DLEC1: variants seen among roughly 807,000 people sequenced by gnomAD.
The protein encoded by DLEC1 is DLEC1 cilia and flagella associated protein.
Under a neutral mutation model 198.1 loss-of-function variants are expected in DLEC1, and 146 were observed. That is an observed-to-expected ratio of 0.74 (90% CI 0.64 to 0.85). The LOEUF (loss-of-function observed/expected upper bound fraction) is 0.85, where lower values mean the gene tolerates loss of function less well. DLEC1 is among the 40% of genes least tolerant of loss of function. The probability of loss-of-function intolerance (pLI) is 0.00; values close to 1 mark genes in which losing one functional copy is unlikely to be tolerated. For missense variants in DLEC1, 2,233 were observed against 2,220.0 expected (o/e 1.01, Z -0.12); for synonymous variants, 897 against 866.8 (o/e 1.03, Z -0.61).
intron 2 of DLEC1, among the ~76,000 whole-genome samples, chr3:38,046,788 C>A (rs2886182): frequency 1.3e-5 from 2 of 151,920 alleles, no homozygotes; most frequent in Admixed American, 1.3e-4. Context: ...TTTTTCCCCC[C>A]CTCAGGCCCA....
Position 38,112,196 on chromosome 3 carries a change from C to T in DLEC1, c.3515-14C>T, listed in dbSNP as rs572686435. On this transcript the variant is annotated splice_polypyrimidine_tract_variant and intron_variant, in intron 24 of 36. Coordinates refer to ENST00000308059, the MANE Select transcript of DLEC1 (RefSeq NM_007335.4). The surrounding 1 kb of genome is among the most constrained non-coding windows in gnomAD (Gnocchi z 4.8). The stretch of plus-strand genomic sequence containing the variant: ...CAGGCCCGTGAATCCCCCACAGTCG[C>T]GGTTCTTTCCCAGATTTTATGGAGA... 83 of 1,614,020 alleles carry T rather than the reference C, an allele frequency of 5.1e-5. No individual in the cohort carries two copies. The highest frequency in any genetic ancestry group is 5.0e-4 in the Middle Eastern group (3 of 6,058).
chr3:38,122,005 A>G, intron 35 of DLEC1, 66 bp from the exon 36 acceptor site: 3 of 1,592,888 alleles, frequency 1.9e-6, no homozygotes, highest in East Asian at 4.5e-5. Flanking sequence ...GGGGGTGGGT[A>G]AAGTCTTCCT....
At chr3:38,066,900 G>A (rs1172968479) in intron 6 of DLEC1, among the ~76,000 whole-genome samples, 2 of 152,196 alleles carry the variant, frequency 1.3e-5, no homozygotes, top group Non-Finnish European at 2.9e-5. Flanking sequence ...GGACTTCTGT[G>A]TCTGGCCATC....
intron 33 of DLEC1, among the ~76,000 whole-genome samples, chr3:38,118,266 A>G (rs1700289379): frequency 6.6e-6 from 1 of 152,174 alleles, no homozygotes; most frequent in African/African-American, 2.4e-5. Context: ...ACATGCATGC[A>G]CGTGCTCCAT....
At chr3:38,076,070 G>A (rs182725103) in intron 6 of DLEC1, among the ~76,000 whole-genome samples, 4 of 152,188 alleles carry the variant, frequency 2.6e-5, no homozygotes, top group East Asian at 1.9e-4. Context: ...TTGGGTCCAC[G>A]GATAAAACAT....
intron 1 of DLEC1, among the ~76,000 whole-genome samples, chr3:38,044,841 G>A (rs963937115): frequency 1.3e-5 from 2 of 152,204 alleles, no homozygotes; most frequent in Non-Finnish European, 2.9e-5. Context: ...TGAGGAGTAT[G>A]TTGGGCATCC....
chr3:38,055,017 G>A (rs1335233915), intron 2 of DLEC1, among the ~76,000 whole-genome samples: 2 of 152,222 alleles, frequency 1.3e-5, no homozygotes, highest in African/African-American at 4.8e-5. Context: ...AGGAATCAAA[G>A]AGAACGTCTG....
intron 19 of DLEC1, among the ~76,000 whole-genome samples, chr3:38,101,591 A>G (rs1287910859): frequency 6.6e-6 from 1 of 152,100 alleles, no homozygotes; most frequent in East Asian, 1.9e-4. Context: ...TTAAATGCTC[A>G]TTTAAATCTC....
chr3:38,117,257 T>A lies in DLEC1; in HGVS notation c.4355T>A (p.Val1452Glu). The A allele has an allele frequency of 6.2e-7, 1 of 1,614,136 alleles. No homozygotes were observed. Among genetic ancestry groups the A allele is most frequent in the Non-Finnish European group, 8.5e-7 (1 of 1,179,992 alleles). Residue 1452 changes from valine (V) to glutamate (E), a missense_variant, in exon 31 of 37, where the codon GTG becomes GAG. Physicochemically the swap from Val to Glu is moderately radical, Grantham distance 121. Coordinates refer to ENST00000308059, the MANE Select transcript of DLEC1 (RefSeq NM_007335.4). ...AGGCATCGCCTGCAGGACTTTGCGG[T>A]GGGACCCCTGAAACTGGACCTGCAT... is the stretch of plus-strand genomic sequence containing the variant. ...GKRHRLQDFAVGPLKLDLHSY... is the reference protein window; with the variant it reads ...GKRHRLQDFAEGPLKLDLHSY...
At chr3:38,115,853 A>C (rs748705445) in intron 27 of DLEC1, among the ~76,000 whole-genome samples, 3 of 151,980 alleles carry the variant, frequency 2.0e-5, no homozygotes, top group Non-Finnish European at 4.4e-5. Flanking sequence ...AGAGAGAGCA[A>C]TGGGGAGCCC....
chr3:38,056,107 AC>A lies in DLEC1; in HGVS notation c.563-3634del, dbSNP rs1295197394. On this transcript the variant is annotated intron_variant, in intron 2 of 36. Coordinates refer to ENST00000308059, the MANE Select transcript of DLEC1 (RefSeq NM_007335.4). ...CACACACACACACACACACACACAC[AC>A]ACACACACAAATAGCTGAGTGTGGT... Among the ~76,000 whole-genome samples the A allele has an allele frequency of 2.5e-3, 353 of 139,208 alleles. 2 individuals carry two copies. Among genetic ancestry groups the A allele is most frequent in the African/African-American group, 7.9e-3 (264 of 33,324 alleles). 91.3% of individuals were successfully genotyped at this position (139,208 alleles called of 152,430 possible).
Position 38,116,808 on chromosome 3 carries a change from A to G in DLEC1, c.4098A>G (p.Ala1366=). 1 of 1,613,802 alleles carries G rather than the reference A, an allele frequency of 6.2e-7. No individual in the cohort carries two copies. The highest frequency in any genetic ancestry group is 8.5e-7 in the Non-Finnish European group (1 of 1,179,886). ...EGSSSASNRV[A]QKLISVILQA... ...GCTCCAGTGCCAGCAATAGGGTGGCACAGAAGCTCATCTCAGTCATCCTGC... is the reference window on the plus strand; with the variant it reads ...GCTCCAGTGCCAGCAATAGGGTGGCGCAGAAGCTCATCTCAGTCATCCTGC... The change falls in exon 29 of 37, where the codon GCA becomes GCG. Residue 1366 remains alanine (A), a synonymous_variant. Transcript: ENST00000308059.
At chr3:38,054,055 G>T (rs1461273538) in intron 2 of DLEC1, among the ~76,000 whole-genome samples, 1 of 152,018 alleles carries the variant, frequency 6.6e-6, no homozygotes, top group Non-Finnish European at 1.5e-5. Flanking sequence ...CACAAACACT[G>T]CGGAAGGCCG....
At chr3:38,039,703 C>T in intron 1 of DLEC1, 67 bp downstream of exon 1, 1 of 1,510,580 alleles carries the variant, frequency 6.6e-7, no homozygotes, top group East Asian at 2.3e-5. Context: ...CGCGTCAGCA[C>T]CTGCCAGGTG....
intron 2 of DLEC1, among the ~76,000 whole-genome samples, chr3:38,047,934 T>A (rs1700952754): frequency 1.3e-5 from 2 of 152,262 alleles, no homozygotes; most frequent in African/African-American, 4.8e-5. Context: ...GCAGCATTAA[T>A]TCTTTCCCTT....
At position 38,084,525 on chromosome 3, in the gene DLEC1, G is replaced by GTGGTGGTAGTAGTGGTAA. The variant is rs1559430685; in HGVS notation, c.1261+281_1261+282insGGTGGTAGTAGTGGTAAT. On this transcript the variant is annotated intron_variant, in intron 7 of 36. Coordinates refer to ENST00000308059, the MANE Select transcript of DLEC1 (RefSeq NM_007335.4). ...AGTGGTAGTAGTAGTAGTGGTAGTA[G>GTGGTGGTAGTAGTGGTAA]TAGTAGTGGTGGTGGTAGTAGTAGT... Among the ~76,000 whole-genome samples the GTGGTGGTAGTAGTGGTAA allele has an allele frequency of 6.0e-5, 8 of 134,322 alleles. 1 individual carries two copies. Among genetic ancestry groups the GTGGTGGTAGTAGTGGTAA allele is most frequent in the Admixed American group, 3.0e-4 (4 of 13,388 alleles). 88.1% of individuals were successfully genotyped at this position (134,322 alleles called of 152,430 possible).
intron 19 of DLEC1, among the ~76,000 whole-genome samples, chr3:38,104,520 T>C (rs1352294773): frequency 6.6e-6 from 1 of 152,070 alleles, no homozygotes; most frequent in Non-Finnish European, 1.5e-5. Context: ...TTTGCATCAC[T>C]CTAGGAATTT....
chr3:38,064,020 T>TC (rs1261597642), intron 6 of DLEC1, 101 bp downstream of exon 6: 7 of 860,316 alleles, frequency 8.1e-6, no homozygotes, highest in African/African-American at 1.8e-5. Context: ...TTTTTTTTTT[T>TC]TTTTAGTATT....
intron 10 of DLEC1, among the ~76,000 whole-genome samples, chr3:38,092,397 G>T (rs549563149): frequency 6.6e-6 from 1 of 152,254 alleles, no homozygotes; most frequent in South Asian, 2.1e-4. Context: ...TGGGGGAATT[G>T]GGGAAAAAAT....
Sources: gnomAD v4.1 joint callset for allele counts (sites outside exome capture counted in the v4.1 genomes callset) on GRCh38, gnomAD v4.1.1 for gene constraint, Gnocchi (gnomAD v3.1) non-coding constraint, MANE v1.5 for transcripts, NCBI Gene and HGNC (gene_info 2026-07-23, HGNC 2026-07-21) for gene names.